The following PEAK1 variants were observed in gnomAD, a reference collection of about 807,000 sequenced individuals.
PEAK1 encodes the protein pseudopodium enriched atypical kinase 1, also known as inactive tyrosine-protein kinase PEAK1.
PEAK1 carries 54 observed loss-of-function variants against 124.7 expected under a neutral mutation model. That is an observed-to-expected ratio of 0.43 (90% CI 0.35 to 0.54). The LOEUF is 0.54. Among genes scored for constraint, PEAK1 ranks in the 20% least tolerant of loss-of-function variants. PEAK1 has a pLI of 0.01. For synonymous variants in PEAK1, 719 were observed against 760.0 expected, an observed-to-expected ratio of 0.95 and a Z score of 0.89; for missense variants, 2,046 against 2,134.5, an observed-to-expected ratio of 0.96 and a Z score of 0.82.
chr15:77,173,084 A>AAAC lies in PEAK1; in HGVS notation c.3137+5703_3137+5705dup, dbSNP rs141641030. Among the ~76,000 whole-genome samples the AAAC allele has an allele frequency of 7.3e-3, 1,109 of 152,192 alleles. 15 individuals carry two copies. The highest frequency in any genetic ancestry group is 0.025 in the African/African-American group (1,050 of 41,516). On this transcript the variant is annotated intron_variant, in intron 7 of 9. Coordinates refer to ENST00000682557, the MANE Select transcript of PEAK1 (RefSeq NM_001385026.1). ...AGCACATTAAGTGAAACTCACTTAA[A>AAAC]AACAACAACAACAACAACAAACTCT...
At chr15:77,340,108 C>G (rs921244383) in intron 2 of PEAK1, among the ~76,000 whole-genome samples, 6 of 152,176 alleles carry the variant, frequency 3.9e-5, no homozygotes, top group African/African-American at 1.4e-4. Context: ...AACTTAGTCT[C>G]ACTGTATGAT....
intron 2 of PEAK1, among the ~76,000 whole-genome samples, chr15:77,323,869 C>T (rs956540967): frequency 2.6e-5 from 4 of 152,142 alleles, no homozygotes. Flanking sequence ...CATCACGCTA[C>T]CTGACTTCAA....
chr15:77,183,477 T>C (rs1257409941), intron 6 of PEAK1, among the ~76,000 whole-genome samples: 3 of 152,238 alleles, frequency 2.0e-5, no homozygotes, highest in African/African-American at 7.2e-5. Flanking sequence ...TATGAATTAA[T>C]AGATGAACAT....
chr15:77,312,766 G>C (rs1304512231), intron 2 of PEAK1, among the ~76,000 whole-genome samples: 1 of 152,194 alleles, frequency 6.6e-6, no homozygotes, highest in Non-Finnish European at 1.5e-5. Flanking sequence ...CTCCCATAAG[G>C]TTTTGATTTT....
chr15:77,277,571 A>T (rs2062402012), intron 5 of PEAK1, among the ~76,000 whole-genome samples: 1 of 152,000 alleles, frequency 6.6e-6, no homozygotes, highest in South Asian at 2.1e-4. Flanking sequence ...ATGTTTTCAA[A>T]TTCATGTGAA....
chr15:77,196,611 T>G (rs2058115246), intron 6 of PEAK1, among the ~76,000 whole-genome samples: 1 of 152,060 alleles, frequency 6.6e-6, no homozygotes, highest in South Asian at 2.1e-4. Context: ...AAAAAGGGTG[T>G]TGTGACACAT....
chr15:77,208,476 G>A (rs867985243), intron 6 of PEAK1, among the ~76,000 whole-genome samples: 45 of 152,098 alleles, frequency 3.0e-4, no homozygotes, highest in African/African-American at 9.9e-4. Flanking sequence ...AAACGATACC[G>A]TCACTCTCAG....
Position 77,203,551 on chromosome 15 carries a change from C to G in PEAK1, c.-114-21511G>C, listed in dbSNP as rs943832130. 4.6e-5 allele frequency among the ~76,000 whole-genome samples: 7 copies of G among 152,000 alleles called. No homozygotes were observed. In the East Asian group the frequency reaches 1.3e-3, roughly 29 times the overall value. ...TACTATAAAGCTACAGTAATCAAGA[C>G]AGTATGATACTGGCAAAAGAACAGA... On this transcript the variant is annotated intron_variant, in intron 6 of 9. Transcript: ENST00000682557.
In PEAK1 at chr15:77,114,990, A is replaced by T; in HGVS notation, c.4407T>A (p.Leu1469=). The stretch of plus-strand genomic sequence containing the variant: ...AGTCTCGCACAAAATCAGCCACAGT[A>T]AGACATGGAACCTCCCTGGTGATGA... ...VVVITREVPC[L]TVADFVRDSL... The change falls in exon 10 of 10, where the codon CTT becomes CTA. Residue 1469 remains leucine, a synonymous_variant. Coordinates refer to ENST00000682557, the MANE Select transcript of PEAK1 (RefSeq NM_001385026.1). 1 of 1,614,128 alleles carries T rather than the reference A, an allele frequency of 6.2e-7. No individual in the cohort carries two copies. Among genetic ancestry groups the T allele is most frequent in the Non-Finnish European group, 8.5e-7 (1 of 1,180,028 alleles).
chr15:77,203,923 AT>A (rs1204415665), intron 6 of PEAK1, among the ~76,000 whole-genome samples: 1 of 152,102 alleles, frequency 6.6e-6, no homozygotes, highest in Non-Finnish European at 1.5e-5. Context: ...GCTGAACCTC[AT>A]TAAAATTAAA....
intron 6 of PEAK1, among the ~76,000 whole-genome samples, chr15:77,226,287 G>A (rs75192007): frequency 0.017 from 2,526 of 148,520 alleles, 29 homozygotes; most frequent in South Asian, 0.033. Context: ...AAGAAAATCT[G>A]AAACATTATC....
chr15:77,248,057 ATTAATT>A (rs1480525142), intron 6 of PEAK1, among the ~76,000 whole-genome samples: 1 of 151,862 alleles, frequency 6.6e-6, no homozygotes, highest in African/African-American at 2.4e-5. Context: ...CCTTGGTAGT[ATTAATT>A]TTGTTTTTTT....
intron 2 of PEAK1, among the ~76,000 whole-genome samples, chr15:77,302,249 T>A (rs1041823174): frequency 6.6e-6 from 1 of 152,162 alleles, no homozygotes; most frequent in Non-Finnish European, 1.5e-5. Flanking sequence ...CTAGTACACA[T>A]TGACTTAGTG....
chr15:77,115,365 G>T, intron 9 of PEAK1, 46 bp from the exon 10 acceptor site: 1 of 1,521,536 alleles, frequency 6.6e-7, no homozygotes. Context: ...TCATAACCAG[G>T]TTTATGATGT....
At chr15:77,334,680 C>A (rs2066087536) in intron 2 of PEAK1, 2 of 985,196 alleles carry the variant, frequency 2.0e-6, no homozygotes, top group Non-Finnish European at 2.4e-6. Flanking sequence ...TCATTTCCAT[C>A]TATTTTTTTA....
chr15:77,117,095 C>T (rs1179034070), intron 9 of PEAK1, among the ~76,000 whole-genome samples: 1 of 152,148 alleles, frequency 6.6e-6, no homozygotes. Context: ...CAGCACATGG[C>T]ACCATTATCC....
chr15:77,214,384 A>C (rs1015532869), intron 6 of PEAK1, among the ~76,000 whole-genome samples: 1 of 151,568 alleles, frequency 6.6e-6, no homozygotes, highest in African/African-American at 2.4e-5. Flanking sequence ...TGGGAGGCTG[A>C]GGTGGGCAGA....
chr15:77,151,126 C>T (rs2054586690), intron 8 of PEAK1, among the ~76,000 whole-genome samples: 1 of 152,012 alleles, frequency 6.6e-6, no homozygotes, highest in Non-Finnish European at 1.5e-5. Context: ...TACAGTCCCA[C>T]CAACAGTGTA....
chr15:77,300,752 C>G (rs1168829443), intron 2 of PEAK1, among the ~76,000 whole-genome samples: 1 of 152,150 alleles, frequency 6.6e-6, no homozygotes, highest in African/African-American at 2.4e-5. Context: ...GTGACAGTTT[C>G]TCAGACCTTC....
Sources: gnomAD v4.1 joint callset for allele counts (sites outside exome capture counted in the v4.1 genomes callset) on GRCh38, gnomAD v4.1.1 for gene constraint, MANE v1.5 for transcripts, NCBI Gene and HGNC (gene_info 2026-07-23, HGNC 2026-07-21) for gene names.